CRYL1: variants seen among roughly 807,000 people sequenced by gnomAD.
The protein encoded by CRYL1 is crystallin lambda 1, also known as lambda-crystallin homolog.
A neutral mutation model predicts 36.6 loss-of-function variants in CRYL1; 29 were observed. That is an observed-to-expected ratio of 0.79 (90% CI 0.59 to 1.08). CRYL1 has a LOEUF of 1.08. CRYL1 is among the 50% of genes least tolerant of loss of function. CRYL1 has a pLI of 0.00. For synonymous variants in CRYL1, 152 were observed against 151.5 expected (o/e 1.00, Z -0.02); for missense variants, 411 against 407.9 (o/e 1.01, Z -0.06).
rs534241228 is a variant in CRYL1, at chr13:20,487,897, T to C, written c.276+1473A>G. Among the ~76,000 whole-genome samples, 4 of 151,132 alleles carry C rather than the reference T, an allele frequency of 2.6e-5. No homozygotes were observed. In the East Asian group the frequency reaches 7.8e-4, roughly 29 times the overall value. ...CCAGCGGATCACTTGAGGTCAGGAG[T>C]TTGAGACCAGCCTGGCTAACATGGT... is the stretch of plus-strand genomic sequence containing the variant. On this transcript the variant is annotated intron_variant, in intron 3 of 7. Coordinates refer to ENST00000298248, the MANE Select transcript of CRYL1 (RefSeq NM_015974.3).
intron 2 of CRYL1, among the ~76,000 whole-genome samples, chr13:20,502,976 ACAGGATCATGCCGGAAGCACG>A (rs1565985987): frequency 6.6e-6 from 1 of 152,006 alleles, no homozygotes; most frequent in Non-Finnish European, 1.5e-5. Context: ...TGCACAGCAC[ACAGGATCATGCCGGAAGCACG>A]CAGGATCATA....
chr13:20,498,155 C>T (rs888536729), intron 2 of CRYL1, among the ~76,000 whole-genome samples: 1 of 151,136 alleles, frequency 6.6e-6, no homozygotes, highest in Non-Finnish European at 1.5e-5. Flanking sequence ...CATACACCAC[C>T]ATACACACTA....
At chr13:20,420,434 A>G (rs968652993) in intron 5 of CRYL1, among the ~76,000 whole-genome samples, 4 of 151,520 alleles carry the variant, frequency 2.6e-5, no homozygotes, top group African/African-American at 9.7e-5. Context: ...TCCAGAAAAG[A>G]CTCCAGAAGA....
At chr13:20,522,527 G>A (rs924504944) in intron 1 of CRYL1, among the ~76,000 whole-genome samples, 1 of 152,164 alleles carries the variant, frequency 6.6e-6, no homozygotes, top group Non-Finnish European at 1.5e-5. Context: ...AAAATAAGCA[G>A]TCTCTGTTAC....
intron 3 of CRYL1, among the ~76,000 whole-genome samples, chr13:20,484,548 T>G (rs2033357101): frequency 6.6e-6 from 1 of 152,134 alleles, no homozygotes; most frequent in African/African-American, 2.4e-5. Flanking sequence ...GGCAGATGCA[T>G]GTAATCCCAG....
chr13:20,516,190 CAAAAAAAAAAAA>C (rs35780379), intron 1 of CRYL1, among the ~76,000 whole-genome samples: 1 of 73,294 alleles, frequency 1.4e-5, no homozygotes, highest in Non-Finnish European at 2.4e-5. Context: ...AACTCCATCT[CAAAAAAAAAAAA>C]AAAAAAAAAG....
intron 3 of CRYL1, among the ~76,000 whole-genome samples, chr13:20,466,563 A>C (rs2032937217): frequency 6.6e-6 from 1 of 152,216 alleles, no homozygotes; most frequent in African/African-American, 2.4e-5. Context: ...TTGAATAATC[A>C]GGGAAATGCA....
At position 20,525,654 on chromosome 13, in the gene CRYL1, C is replaced by T. The variant is rs2137530066; in HGVS notation, c.41+100G>A. 2 of 1,012,742 alleles carry T rather than the reference C, an allele frequency of 2.0e-6. No homozygotes were observed. The highest frequency in any genetic ancestry group is 3.3e-5 in the South Asian group (1 of 29,858). The allele number at this position is 1,012,742 out of a possible 1,614,324, so 62.7% of individuals were successfully genotyped here. ...GGAGGACCGGAGGCCGGGGCGGGGA[C>T]AGCGACCCGGCGCCCACCCCGAGGG... is the stretch of plus-strand genomic sequence containing the variant. On this transcript the variant is annotated intron_variant, in intron 1 of 7. Coordinates refer to ENST00000298248, the MANE Select transcript of CRYL1 (RefSeq NM_015974.3). This position sits in a 1 kb window ranked among gnomAD's most constrained non-coding sequence, Gnocchi z 4.3.
At chr13:20,488,530 T>C (rs1469022901) in intron 3 of CRYL1, among the ~76,000 whole-genome samples, 1 of 152,242 alleles carries the variant, frequency 6.6e-6, no homozygotes, top group Non-Finnish European at 1.5e-5. Flanking sequence ...ACCCGAATCT[T>C]AGAGCAGGAA....
At chr13:20,502,877 G>A (rs921607677) in intron 2 of CRYL1, among the ~76,000 whole-genome samples, 1 of 152,184 alleles carries the variant, frequency 6.6e-6, no homozygotes, top group Admixed American at 6.5e-5. Context: ...GCCAGTCAAG[G>A]TAGGAGTCAC....
intron 3 of CRYL1, among the ~76,000 whole-genome samples, chr13:20,469,047 A>T (rs928275951): frequency 1.3e-5 from 2 of 152,138 alleles, no homozygotes; most frequent in Non-Finnish European, 2.9e-5. Context: ...CCCTGTTACA[A>T]CTCCATCCAC....
intron 2 of CRYL1, among the ~76,000 whole-genome samples, chr13:20,511,761 C>G (rs1239440681): frequency 6.6e-6 from 1 of 152,208 alleles, no homozygotes; most frequent in Non-Finnish European, 1.5e-5. Context: ...AGTGCCTTTG[C>G]TTCTGGGCAC....
chr13:20,423,607 TC>T (rs2137378707), intron 5 of CRYL1, among the ~76,000 whole-genome samples: 1 of 152,230 alleles, frequency 6.6e-6, no homozygotes, highest in African/African-American at 2.4e-5. Context: ...TGTGATGAAT[TC>T]CCCTTGATTA....
At chr13:20,504,241 T>C (rs2033752999) in intron 2 of CRYL1, among the ~76,000 whole-genome samples, 2 of 152,096 alleles carry the variant, frequency 1.3e-5, no homozygotes, top group South Asian at 2.1e-4. Context: ...TCCTGATCTG[T>C]AGGTCCGTGT....
At chr13:20,421,438 A>G (rs1326130996) in intron 5 of CRYL1, among the ~76,000 whole-genome samples, 1 of 152,156 alleles carries the variant, frequency 6.6e-6, no homozygotes, top group Non-Finnish European at 1.5e-5. Flanking sequence ...CACAAGCCCC[A>G]TATCTGCCTA....
At chr13:20,432,676 C>G (rs139073410) in intron 4 of CRYL1, among the ~76,000 whole-genome samples, 1 of 152,032 alleles carries the variant, frequency 6.6e-6, no homozygotes, top group East Asian at 1.9e-4. Flanking sequence ...TCATGTCTTC[C>G]CATCTGCAGT....
chr13:20,420,881 C>A (rs986919638), intron 5 of CRYL1, among the ~76,000 whole-genome samples: 1 of 151,432 alleles, frequency 6.6e-6, no homozygotes, highest in African/African-American at 2.4e-5. Flanking sequence ...GACTACAGGC[C>A]CGCCACCACG....
intron 6 of CRYL1, among the ~76,000 whole-genome samples, chr13:20,412,926 C>T (rs759288540): frequency 3.3e-5 from 5 of 152,200 alleles, no homozygotes; most frequent in South Asian, 2.1e-4. Context: ...CCTATCTTTT[C>T]GTCTTGCCTC....
intron 3 of CRYL1, among the ~76,000 whole-genome samples, chr13:20,440,390 G>T (rs1261566615): frequency 6.6e-6 from 1 of 152,178 alleles, no homozygotes; most frequent in Non-Finnish European, 1.5e-5. Flanking sequence ...AAAACCACCA[G>T]CAAGATTTAA....
Sources: gnomAD v4.1 joint callset for allele counts (sites outside exome capture counted in the v4.1 genomes callset) on GRCh38, gnomAD v4.1.1 for gene constraint, Gnocchi (gnomAD v3.1) non-coding constraint, MANE v1.5 for transcripts, NCBI Gene and HGNC (gene_info 2026-07-23, HGNC 2026-07-21) for gene names.